Variants in LAMA3 observed in about 807,000 individuals in gnomAD.
LAMA3 encodes laminin subunit alpha 3.
A neutral mutation model predicts 402.0 loss-of-function variants in LAMA3; 281 were observed. That is an observed-to-expected ratio of 0.70 (90% CI 0.63 to 0.77). LAMA3 has a LOEUF of 0.77. LAMA3 is among the 30% of genes least tolerant of loss of function. The pLI is 0.00. For synonymous variants in LAMA3, 1,431 were observed against 1,558.4 expected (o/e 0.92, Z 1.93); for missense variants, 3,840 against 4,215.5 (o/e 0.91, Z 2.47).
At chr18:23,950,210 T>C (rs1035323502) in intron 72 of LAMA3, 51 bp downstream of exon 72, 4 of 1,610,888 alleles carry the variant, frequency 2.5e-6, no homozygotes, top group Non-Finnish European at 3.4e-6. Flanking sequence ...CCAGCTTCAA[T>C]GTCTGGAGGC....
chr18:23,937,322 C>T lies in LAMA3; in HGVS notation c.8863-1901C>T, dbSNP rs570267490. Among the ~76,000 whole-genome samples the T allele has an allele frequency of 4.2e-5, 6 of 141,766 alleles. No homozygotes were observed. The South Asian group carries it at 1.2e-3, about 28-fold the overall frequency. The allele number at this position is 141,766 out of a possible 152,430, so 93.0% of individuals were successfully genotyped here. Reference sequence around the variant, plus strand: ...TGGAGGTTGCAGTGAGCTGAGATCGCGCCACTGCACTGCAGCCCGGGCAAC... The same window carrying T: ...TGGAGGTTGCAGTGAGCTGAGATCGTGCCACTGCACTGCAGCCCGGGCAAC... On this transcript the variant is annotated intron_variant, in intron 67 of 74. Coordinates refer to ENST00000313654, the MANE Select transcript of LAMA3 (RefSeq NM_198129.4).
At chr18:23,838,675 G>A (rs2063634289) in intron 25 of LAMA3, 106 bp from the exon 26 acceptor site, 2 of 720,690 alleles carry the variant, frequency 2.8e-6, no homozygotes, top group East Asian at 2.7e-5. Context: ...GAATTATTAT[G>A]GATAAATCCT....
chr18:23,954,025 C>T (rs1309204099), intron 74 of LAMA3, among the ~76,000 whole-genome samples: 1 of 152,216 alleles, frequency 6.6e-6, no homozygotes, highest in African/African-American at 2.4e-5. Context: ...TGATTTATCA[C>T]AGCAGGTGGA....
chr18:23,826,780 G>T lies in LAMA3; in HGVS notation c.2650G>T (p.Ala884Ser), dbSNP rs749936195. 1.3e-5 allele frequency: 21 copies of T among 1,563,062 alleles called. No homozygotes were observed. Among genetic ancestry groups the T allele is most frequent in the Non-Finnish European group, 1.8e-5 (21 of 1,151,990 alleles). ...GCCAGTCACAGAACCATGTGCCTAC[G>T]CAGGACCTCCCCAAGAAAAGTCAGT... ...QLPVTEPCAY[A>S]GPPQENCLLY... The change falls in exon 22 of 75, where the codon GCA becomes TCA. Residue 884 changes from alanine to serine, a missense_variant. Ala to Ser is a moderately conservative substitution (Grantham distance 99). Coordinates refer to ENST00000313654, the MANE Select transcript of LAMA3 (RefSeq NM_198129.4).
Position 23,814,378 on chromosome 18 carries a change from ATGTT to A in LAMA3, c.1789-18_1789-15del, listed in dbSNP as rs779317943. 9.3e-5 allele frequency: 139 copies of A among 1,492,856 alleles called. No homozygotes were observed. Among genetic ancestry groups the A allele is most frequent in the Non-Finnish European group, 1.2e-4 (127 of 1,069,794 alleles). The allele number at this position is 1,492,856 out of a possible 1,614,324, so 92.5% of individuals were successfully genotyped here. A position where few individuals can be genotyped will look rare whatever the true frequency, so the allele number is the denominator to read the frequency against. ...ACATGTCTTAATTCCAAGATGTCAA[ATGTT>A]TGTTTGATTTTCATTCAAAGGGGTA... On this transcript the variant is annotated intron_variant, in intron 14 of 74. Coordinates refer to ENST00000313654, the MANE Select transcript of LAMA3 (RefSeq NM_198129.4).
At position 23,901,149 on chromosome 18, in the gene LAMA3, G is replaced by T. The variant is rs1489407796; in HGVS notation, c.6027G>T (p.Trp2009Cys). ...CAGTGCTGAACCGGATAAGGACCTG[G>T]CAGAAAACCCACCAGGGGGAGAACA... is the stretch of plus-strand genomic sequence containing the variant. Reference protein sequence around the residue: ...SQLLLNRIRTWQKTHQGENNG... With the variant: ...SQLLLNRIRTCQKTHQGENNG... Residue 2009 changes from tryptophan to cysteine, a missense_variant, in exon 48 of 75, where the codon TGG becomes TGT. By Grantham distance (215) the Trp-to-Cys change is radical. Transcript: ENST00000313654. 6.2e-7 allele frequency: 1 copy of T among 1,614,030 alleles called. No individual in the cohort carries two copies. Among genetic ancestry groups the T allele is most frequent in the African/African-American group, 1.3e-5 (1 of 74,920 alleles).
Position 23,858,752 on chromosome 18 carries a change from A to G in LAMA3, c.4345A>G (p.Asn1449Asp), listed in dbSNP as rs762194525. 6.2e-7 allele frequency: 1 copy of G among 1,613,980 alleles called. No individual in the cohort carries two copies. The highest frequency in any genetic ancestry group is 1.7e-5 in the Admixed American group (1 of 60,012). Residue 1449 changes from asparagine to aspartate, a missense_variant, in exon 34 of 75, where the codon AAT becomes GAT. Physicochemically the swap from Asn to Asp is conservative, Grantham distance 23. Transcript: ENST00000313654. Reference protein sequence around the residue: ...REGSFHLDPANLKGCTSCFCF... With the variant: ...REGSFHLDPADLKGCTSCFCF... ...AGGCTCATTCCATTTGGACCCAGCC[A>G]ATCTCAAGGGTTGTACCAGCTGTTT...
intron 12 of LAMA3, among the ~76,000 whole-genome samples, chr18:23,791,465 C>T (rs1355059645): frequency 2.0e-5 from 3 of 152,208 alleles, no homozygotes; most frequent in Non-Finnish European, 4.4e-5. Context: ...GACATAGTGG[C>T]TCATGCCTGT....
intron 56 of LAMA3, among the ~76,000 whole-genome samples, chr18:23,913,535 C>T (rs764156266): frequency 6.6e-6 from 1 of 152,168 alleles, no homozygotes; most frequent in Non-Finnish European, 1.5e-5. Flanking sequence ...ACATAAGTGT[C>T]AGAGGAAAAG....
intron 1 of LAMA3, among the ~76,000 whole-genome samples, chr18:23,698,610 A>T (rs1205230017): frequency 6.6e-6 from 1 of 152,242 alleles, no homozygotes; most frequent in Non-Finnish European, 1.5e-5. Context: ...TAACAGCTGG[A>T]AGCTCAACAG....
chr18:23,714,048 C>A lies in LAMA3; in HGVS notation c.423C>A (p.Val141=). Residue 141 remains valine (V), a synonymous_variant, in exon 2 of 75, where the codon GTC becomes GTA. Coordinates refer to ENST00000313654, the MANE Select transcript of LAMA3 (RefSeq NM_198129.4). ...CCTCAGGCACACAGTACAACAGAGT[C>A]AACCTCACCTTGGATCTGGGGCAGG... ...PLSSGTQYNR[V]NLTLDLGQLF... 6.2e-7 allele frequency: 1 copy of A among 1,613,958 alleles called. No individual in the cohort carries two copies. The highest frequency in any genetic ancestry group is 1.6e-4 in the Middle Eastern group (1 of 6,062).
chr18:23,897,878 T>C (rs1436689327), intron 44 of LAMA3, among the ~76,000 whole-genome samples: 1 of 152,190 alleles, frequency 6.6e-6, no homozygotes, highest in Non-Finnish European at 1.5e-5. Flanking sequence ...AAACCAACCC[T>C]GCAGCTAAAT....
chr18:23,895,631 A>C (rs1187233603), intron 44 of LAMA3, among the ~76,000 whole-genome samples: 3 of 152,236 alleles, frequency 2.0e-5, no homozygotes, highest in African/African-American at 7.2e-5. Context: ...TACATCTGCA[A>C]AGTCTATAAA....
intron 2 of LAMA3, among the ~76,000 whole-genome samples, chr18:23,728,151 A>G (rs536115731): frequency 2.6e-5 from 4 of 152,292 alleles, no homozygotes; most frequent in Admixed American, 2.6e-4. Flanking sequence ...AGTTCAAGAT[A>G]CATTTGTTCA....
intron 68 of LAMA3, among the ~76,000 whole-genome samples, chr18:23,942,580 CT>C (rs11293501): frequency 0.86 from 114,395 of 133,606 alleles, 49,629 homozygotes; most frequent in Non-Finnish European, 0.95. Context: ...TTGCACTCTG[CT>C]TTTTTTTTTT....
intron 14 of LAMA3, among the ~76,000 whole-genome samples, chr18:23,813,856 T>A (rs960457356): frequency 6.6e-6 from 1 of 152,158 alleles, no homozygotes; most frequent in African/African-American, 2.4e-5. Flanking sequence ...CTGAACAATT[T>A]TCTGAGATAA....
rs2082067600 is a variant in LAMA3, at chr18:23,928,309, C to G, written c.8295+69C>G. The G allele has an allele frequency of 3.0e-6, 3 of 1,009,714 alleles. No homozygotes were observed. In the Admixed American group the frequency reaches 5.6e-5, roughly 19 times the overall value. The allele number at this position is 1,009,714 out of a possible 1,614,324, so 62.5% of individuals were successfully genotyped here. A position where few individuals can be genotyped will look rare whatever the true frequency, so the allele number is the denominator to read the frequency against. On this transcript the variant is annotated intron_variant, in intron 63 of 74. Transcript: ENST00000313654. ...AACCCACCTTCCGTATCCATTAACG[C>G]AGCAACTTTTGACTTCTTTCTGATA...
chr18:23,903,154 A>G, intron 49 of LAMA3, 29 bp downstream of exon 49: 3 of 1,312,708 alleles, frequency 2.3e-6, no homozygotes, highest in Non-Finnish European at 3.3e-6. Context: ...CTCTAGAAAA[A>G]TCTAAAAACA....
rs377372297 is a variant in LAMA3 at position 23,914,825 on chromosome 18, G to C, written c.7609G>C (p.Val2537Leu). Reference protein sequence around the residue: ...TLLNLDPENVVFYVGGYPPDF... With the variant: ...TLLNLDPENVLFYVGGYPPDF... ...CCTTAATTTGGATCCTGAAAATGTTGTATTTTATGTTGGAGGTTACCCACC... is the reference window on the plus strand; with the variant it reads ...CCTTAATTTGGATCCTGAAAATGTTCTATTTTATGTTGGAGGTTACCCACC... Residue 2537 changes from valine (V) to leucine (L), a missense_variant, in exon 58 of 75, where the codon GTA (valine) becomes CTA (leucine). Val to Leu is a conservative substitution (Grantham distance 32). This residue lies in a region of LAMA3 where 840 missense variants were observed against 981.9 expected (regional missense o/e 0.86). Coordinates refer to ENST00000313654, the MANE Select transcript of LAMA3 (RefSeq NM_198129.4). The C allele has an allele frequency of 1.2e-6, 2 of 1,612,944 alleles. No individual in the cohort carries two copies. The highest frequency in any genetic ancestry group is 2.7e-5 in the African/African-American group (2 of 74,862).
Sources: gnomAD v4.1 joint callset for allele counts (sites outside exome capture counted in the v4.1 genomes callset) on GRCh38, gnomAD v4.1.1 for gene constraint, gnomAD v4.1.1 regional missense constraint, MANE v1.5 for transcripts, NCBI Gene and HGNC (gene_info 2026-07-23, HGNC 2026-07-21) for gene names.